Variants in RGPD2 observed in about 807,000 individuals in gnomAD.
RGPD2 encodes RANBP2 like and GRIP domain containing 2.
Under a neutral mutation model 36.0 loss-of-function variants are expected in RGPD2, and 2 were observed. That is an observed-to-expected ratio of 0.06 (90% confidence interval 0.02 to 0.17). The LOEUF (loss-of-function observed/expected upper bound fraction) is 0.17. Among genes scored for constraint, RGPD2 ranks in the 10% least tolerant of loss-of-function variants. RGPD2 has a pLI of 1.00. For synonymous variants in RGPD2, 19 were observed against 163.8 expected, an observed-to-expected ratio of 0.12 and a Z score of 6.75; for missense variants, 40 against 464.3, an observed-to-expected ratio of 0.09 and a Z score of 8.40.
the RGPD2 span, among the ~76,000 whole-genome samples, chr2:87,941,507 TTAGTTTATGGA>T: frequency 8.2e-6 from 1 of 122,560 alleles, no homozygotes; most frequent in South Asian, 3.0e-4. Context: ...AAAATAATGG[TTAGTTTATGGA>T]TAGTATACCC....
At chr2:87,964,557 A>G in the RGPD2 span, among the ~76,000 whole-genome samples, 3 of 150,886 alleles carry the variant, frequency 2.0e-5, no homozygotes, top group African/African-American at 7.4e-5. Flanking sequence ...TTTTTGAGAC[A>G]GAGTCTCACA....
chr2:87,932,633 T>C, the RGPD2 span, among the ~76,000 whole-genome samples: 1 of 150,222 alleles, frequency 6.7e-6, no homozygotes, highest in Non-Finnish European at 1.5e-5. Flanking sequence ...GGAGCTCTTG[T>C]AAGGCAGTTC....
Position 87,756,154 on chromosome 2 carries a change from C to A in RGPD2, c.*1238G>T, listed in dbSNP as rs1187395268. 2.5e-5 allele frequency: 1 copy of A among 40,246 alleles called. No homozygotes were observed. The highest frequency in any genetic ancestry group is 5.7e-5 in the Non-Finnish European group (1 of 17,536). 2.5% of individuals were successfully genotyped at this position (40,246 alleles called of 1,614,324 possible). On this transcript the variant is annotated 3_prime_UTR_variant, in exon 23 of 23. Coordinates refer to ENST00000398146, the MANE Select transcript of RGPD2 (RefSeq NM_001078170.3). ...ACATGGGTGGGCACACTAGCAAACA[C>A]CTGCCAGCTGCATGTGGACCCAGGT...
the RGPD2 span, among the ~76,000 whole-genome samples, chr2:87,894,440 T>C: frequency 6.7e-6 from 1 of 150,092 alleles, no homozygotes; most frequent in East Asian, 2.0e-4. Context: ...ATGGAGTCTG[T>C]ATAGTGTTGA....
At chr2:87,825,450 GGCCGAGGCCGAGGCCGAGGCCGCC>G (rs1686699358) in intron 1 of RGPD2, among the ~76,000 whole-genome samples, 184 bp downstream of exon 1, 2 of 92,772 alleles carry the variant, frequency 2.2e-5, no homozygotes, top group Admixed American at 1.0e-4. Flanking sequence ...CGCCCGGCCA[GGCCGAGGCCGAGGCCGAGGCCGCC>G]GTCGCCGCCG....
the RGPD2 span, among the ~76,000 whole-genome samples, chr2:87,886,919 A>T: frequency 1.3e-5 from 2 of 151,890 alleles, no homozygotes; most frequent in Non-Finnish European, 2.9e-5. Context: ...AAGGTCACAT[A>T]GTTAGAAAGG....
the RGPD2 span, among the ~76,000 whole-genome samples, chr2:87,840,509 C>A: frequency 1.3e-5 from 2 of 151,544 alleles, no homozygotes; most frequent in African/African-American, 2.4e-5. Context: ...ATAAATGAAC[C>A]CTTGATATAC....
chr2:87,885,396 G>A, the RGPD2 span, among the ~76,000 whole-genome samples: 4 of 151,848 alleles, frequency 2.6e-5, no homozygotes, highest in South Asian at 2.1e-4. Flanking sequence ...AGCTAACATC[G>A]TACTCAGGAA....
chr2:87,783,341 ATTG>A lies in RGPD2; in HGVS notation c.3680_3682del (p.Thr1227del). 2.3e-6 allele frequency: 1 copy of A among 426,794 alleles called. No homozygotes were observed. Among genetic ancestry groups the A allele is most frequent in the Non-Finnish European group, 4.0e-6 (1 of 252,688 alleles). 26.4% of individuals were successfully genotyped at this position (426,794 alleles called of 1,614,324 possible). ...CCCAGTGTTTTCAGGATTGGGTTTT[ATTG>A]TTGTGTCTGAGGCACCGGCTGCACC... On this transcript the variant is annotated inframe_deletion, in exon 20 of 23. Coordinates refer to ENST00000398146, the MANE Select transcript of RGPD2 (RefSeq NM_001078170.3).
At chr2:87,923,334 A>T in the RGPD2 span, among the ~76,000 whole-genome samples, 1 of 152,020 alleles carries the variant, frequency 6.6e-6, no homozygotes, top group Non-Finnish European at 1.5e-5. Flanking sequence ...AAACATTTTG[A>T]GCACAATTGA....
rs1244322944 is a variant in RGPD2, at chr2:87,756,191, T to C, written c.*1201A>G. On this transcript the variant is annotated 3_prime_UTR_variant, in exon 23 of 23. Coordinates refer to ENST00000398146, the MANE Select transcript of RGPD2 (RefSeq NM_001078170.3). ...ATGTGGACCCAGGTGGGCACCGGAC[T>C]GTTTTAAACACAGGAGAGGGCCCAT... 1.8e-5 allele frequency: 1 copy of C among 55,202 alleles called. No individual in the cohort carries two copies. The highest frequency in any genetic ancestry group is 6.5e-5 in the African/African-American group (1 of 15,428). The allele number at this position is 55,202 out of a possible 1,614,324, so 3.4% of individuals were successfully genotyped here.
the RGPD2 span, among the ~76,000 whole-genome samples, chr2:87,943,494 T>C: frequency 1.3e-5 from 2 of 151,892 alleles, no homozygotes; most frequent in Non-Finnish European, 2.9e-5. Context: ...TGTTTGTTTG[T>C]TTGTTTTGCT....
At chr2:87,887,293 T>C in the RGPD2 span, among the ~76,000 whole-genome samples, 2 of 151,516 alleles carry the variant, frequency 1.3e-5, no homozygotes, top group South Asian at 4.1e-4. Context: ...AAACCGCAGG[T>C]AGTAAAAAAC....
At chr2:87,883,272 T>C in the RGPD2 span, among the ~76,000 whole-genome samples, 2 of 151,646 alleles carry the variant, frequency 1.3e-5, no homozygotes, top group African/African-American at 2.4e-5. Flanking sequence ...AAAATGTTTC[T>C]TGTAAACCTC....
chr2:87,964,721 T>A, the RGPD2 span, among the ~76,000 whole-genome samples: 1 of 145,258 alleles, frequency 6.9e-6, no homozygotes, highest in African/African-American at 2.5e-5. Flanking sequence ...ATACAAAGGC[T>A]GGGATGTAAC....
At chr2:87,777,774 CCCA>C (rs1460382862) in intron 20 of RGPD2, among the ~76,000 whole-genome samples, 4 of 146,304 alleles carry the variant, frequency 2.7e-5, no homozygotes, top group African/African-American at 7.3e-5. Context: ...CCACCTCAGC[CCCA>C]CAAGTAGCTG....
the RGPD2 span, among the ~76,000 whole-genome samples, chr2:87,958,484 G>T: frequency 6.6e-6 from 1 of 152,240 alleles, no homozygotes; most frequent in Non-Finnish European, 1.5e-5. Context: ...CACCACATAT[G>T]TGCAGAATTT....
chr2:87,921,597 G>A, the RGPD2 span, among the ~76,000 whole-genome samples: 2 of 152,276 alleles, frequency 1.3e-5, no homozygotes, highest in South Asian at 4.1e-4. Context: ...GGTATTTCCT[G>A]CAAGCCAGGA....
the RGPD2 span, among the ~76,000 whole-genome samples, chr2:87,864,637 ATAGT>A: frequency 6.8e-6 from 1 of 146,348 alleles, no homozygotes; most frequent in Non-Finnish European, 1.5e-5. Context: ...TAGATGATAG[ATAGT>A]AAGTAGATAG....
Sources: gnomAD v4.1 joint callset for allele counts (sites outside exome capture counted in the v4.1 genomes callset) on GRCh38, gnomAD v4.1.1 for gene constraint, MANE v1.5 for transcripts, NCBI Gene and HGNC (gene_info 2026-07-23, HGNC 2026-07-21) for gene names.